CMKLR1: variants seen among roughly 807,000 people sequenced by gnomAD.
CMKLR1 encodes chemerin chemokine-like receptor 1, also known as chemerin-like receptor 1.
Under a neutral mutation model 8.2 loss-of-function variants are expected in CMKLR1, and 6 were observed. That is an observed-to-expected ratio of 0.73 (90% CI 0.40 to 1.44). CMKLR1 has a LOEUF of 1.44. Ranked by LOEUF, CMKLR1 falls within the 40% of genes most tolerant of loss-of-function variation. The pLI is 0.02. For synonymous variants in CMKLR1, 178 were observed against 181.2 expected, an observed-to-expected ratio of 0.98 and a Z score of 0.14; for missense variants, 429 against 478.0, an observed-to-expected ratio of 0.90 and a Z score of 0.96.
At chr12:108,297,261 C>T (rs1182764929) in intron 2 of CMKLR1, among the ~76,000 whole-genome samples, 1 of 152,104 alleles carries the variant, frequency 6.6e-6, no homozygotes, top group South Asian at 2.1e-4. Context: ...TTCTCTCTTC[C>T]TTATGATTTT....
At chr12:108,303,308 C>T (rs1891326371) in intron 2 of CMKLR1, among the ~76,000 whole-genome samples, 1 of 152,238 alleles carries the variant, frequency 6.6e-6, no homozygotes, top group South Asian at 2.1e-4. Context: ...CACACCCCCG[C>T]TGCCGGACCC....
chr12:108,301,844 C>A (rs972054707), intron 2 of CMKLR1, among the ~76,000 whole-genome samples: 1 of 152,182 alleles, frequency 6.6e-6, no homozygotes, highest in African/African-American at 2.4e-5. Context: ...CCAGCCTCCA[C>A]CTCTCTGCCC....
chr12:108,308,670 G>A (rs1168685354), intron 2 of CMKLR1, among the ~76,000 whole-genome samples: 1 of 152,216 alleles, frequency 6.6e-6, no homozygotes, highest in African/African-American at 2.4e-5. Flanking sequence ...GGACGGGCAA[G>A]GCAGGGGCCC....
chr12:108,304,380 G>A (rs1354185565), intron 2 of CMKLR1, among the ~76,000 whole-genome samples: 3 of 152,152 alleles, frequency 2.0e-5, no homozygotes, highest in African/African-American at 7.2e-5. Context: ...TGTACAGCAG[G>A]GCCGGGGACC....
At chr12:108,313,879 T>A (rs957492363) in intron 2 of CMKLR1, among the ~76,000 whole-genome samples, 3 of 152,160 alleles carry the variant, frequency 2.0e-5, no homozygotes, top group African/African-American at 4.8e-5. Flanking sequence ...CGTGTCAGTG[T>A]TGGTTTAGGC....
At position 108,292,537 on chromosome 12, in the gene CMKLR1, G is replaced by C. The variant is rs1593155742; in HGVS notation, c.426C>G (p.Leu142=). The stretch of plus-strand genomic sequence containing the variant: ...GGTGGTTCTGGGACCAGACAGGGAG[G>C]AGCACAGAGATGCAGCGGTCAGAGC... ...IISSDRCISV[L]LPVWSQNHRS... The change falls in exon 4 of 4, where the codon CTC becomes CTG. Residue 142 remains leucine (L), a synonymous_variant. Transcript: ENST00000550402. 1 of 1,614,210 alleles carries C rather than the reference G, an allele frequency of 6.2e-7. No homozygotes were observed. Among genetic ancestry groups the C allele is most frequent in the Non-Finnish European group, 8.5e-7 (1 of 1,180,040 alleles).
chr12:108,318,805 G>T (rs1891792454), intron 2 of CMKLR1, among the ~76,000 whole-genome samples: 2 of 152,182 alleles, frequency 1.3e-5, no homozygotes, highest in African/African-American at 4.8e-5. Flanking sequence ...GCCCCAAGCA[G>T]CCCTGAGAAC....
At chr12:108,319,799 A>T (rs1206950959) in intron 2 of CMKLR1, among the ~76,000 whole-genome samples, 1 of 152,168 alleles carries the variant, frequency 6.6e-6, no homozygotes, top group Non-Finnish European at 1.5e-5. Context: ...TTAAAAACAA[A>T]ACAAAACAAA....
intron 2 of CMKLR1, among the ~76,000 whole-genome samples, chr12:108,305,732 C>T (rs556685536): frequency 1.3e-5 from 2 of 152,332 alleles, no homozygotes; most frequent in Middle Eastern, 3.4e-3. Flanking sequence ...GAGAGAATTT[C>T]CTCCCTGGTC....
chr12:108,323,167 G>T (rs1230056181), intron 2 of CMKLR1, among the ~76,000 whole-genome samples: 1 of 152,098 alleles, frequency 6.6e-6, no homozygotes, highest in Non-Finnish European at 1.5e-5. Flanking sequence ...TTCTACATTT[G>T]CCAAGTAAGG....
intron 2 of CMKLR1, among the ~76,000 whole-genome samples, chr12:108,310,908 C>T (rs1036234976): frequency 1.3e-5 from 2 of 152,144 alleles, no homozygotes; most frequent in African/African-American, 2.4e-5. Context: ...CAGGGAGGCA[C>T]ATCCCAGGAC....
At chr12:108,299,023 G>A (rs1041866541) in intron 2 of CMKLR1, among the ~76,000 whole-genome samples, 1 of 152,250 alleles carries the variant, frequency 6.6e-6, no homozygotes, top group African/African-American at 2.4e-5. Context: ...GGCCTCAGAT[G>A]TGCAATCTGC....
At position 108,293,646 on chromosome 12, in the gene CMKLR1, T is replaced by C. The variant is rs1891052848; in HGVS notation, c.-55A>G. The C allele has an allele frequency of 2.6e-6, 4 of 1,511,538 alleles. No individual in the cohort carries two copies. In the East Asian group the frequency reaches 7.4e-5, roughly 28 times the overall value. 93.6% of individuals were successfully genotyped at this position (1,511,538 alleles called of 1,614,324 possible). On this transcript the variant is annotated 5_prime_UTR_variant, in exon 3 of 4. Coordinates refer to ENST00000550402, the MANE Select transcript of CMKLR1 (RefSeq NM_001142343.2). Reference sequence around the variant, plus strand: ...TGTGAGTCCTCAGCCAATCAGTCCCTGTACACAGCTAGAAACACCTGTAGG... The same window carrying C: ...TGTGAGTCCTCAGCCAATCAGTCCCCGTACACAGCTAGAAACACCTGTAGG...
chr12:108,294,164 G>A (rs1891065639), intron 2 of CMKLR1, among the ~76,000 whole-genome samples: 2 of 152,190 alleles, frequency 1.3e-5, no homozygotes, highest in Admixed American at 6.5e-5. Context: ...TTTCCAGGCA[G>A]GTGTTATTCC....
rs562371436 is a variant in CMKLR1, at chr12:108,293,673, A to G, written c.-73-9T>C. On this transcript the variant is annotated splice_polypyrimidine_tract_variant and intron_variant, in intron 2 of 3. Transcript: ENST00000550402. ...TACACAGCTAGAAACACCTGTAGGG[A>G]AAAAAAAAAAAAAAAAAGCAGCAAT... 0.011 allele frequency: 1,405 copies of G among 127,452 alleles called. 1 individual carries two copies. The highest frequency in any genetic ancestry group is 0.023 in the Middle Eastern group (6 of 256). 7.9% of individuals were successfully genotyped at this position (127,452 alleles called of 1,614,324 possible).
chr12:108,326,818 A>G lies in CMKLR1; in HGVS notation c.-74+3177T>C, dbSNP rs919785468. On this transcript the variant is annotated intron_variant, in intron 2 of 3. Transcript: ENST00000550402. ...AGAAAGCATTTCCCAAGGGCCTCGC[A>G]TGCACCCTGCCTTATTTTAAGTGCA... Among the ~76,000 whole-genome samples the G allele has an allele frequency of 3.9e-5, 6 of 152,188 alleles. No homozygotes were observed. The South Asian group carries it at 6.2e-4, about 16-fold the overall frequency.
chr12:108,334,457 C>G (rs1234152918), intron 1 of CMKLR1, among the ~76,000 whole-genome samples: 1 of 152,258 alleles, frequency 6.6e-6, no homozygotes, highest in African/African-American at 2.4e-5. Context: ...CTCTTTTACA[C>G]AGCCAGTGGC....
chr12:108,329,833 T>C (rs1892063488), intron 2 of CMKLR1, among the ~76,000 whole-genome samples, 162 bp downstream of exon 2: 1 of 152,206 alleles, frequency 6.6e-6, no homozygotes, highest in Non-Finnish European at 1.5e-5. Context: ...AAACAAATCC[T>C]TTTTGAGTTT....
intron 1 of CMKLR1, among the ~76,000 whole-genome samples, chr12:108,333,703 T>C (rs1339832353): frequency 6.6e-6 from 1 of 152,202 alleles, no homozygotes; most frequent in Admixed American, 6.5e-5. Context: ...CTGGAGCACT[T>C]GGATCTGGGA....
Sources: allele counts gnomAD v4.1 joint callset (sites outside exome capture counted in the v4.1 genomes callset), GRCh38; gene constraint gnomAD v4.1.1; transcripts MANE v1.5; gene names NCBI Gene and HGNC (gene_info 2026-07-23, HGNC 2026-07-21).